VEPH1: variants seen among roughly 807,000 people sequenced by gnomAD.
VEPH1 encodes ventricular zone-expressed PH domain-containing protein homolog 1.
VEPH1 carries 80 observed loss-of-function variants against 85.2 expected under a neutral mutation model. That is an observed-to-expected ratio of 0.94 (90% CI 0.78 to 1.13). VEPH1 has a LOEUF of 1.13. VEPH1 is among the 50% of genes most tolerant of loss of function. VEPH1 has a pLI of 0.00. For synonymous variants in VEPH1, 297 were observed against 348.0 expected (o/e 0.85, Z 1.63); for missense variants, 955 against 980.5 (o/e 0.97, Z 0.35).
rs759127536 is a variant in VEPH1 at position 157,317,188 on chromosome 3, A to G, written c.1749T>C (p.Ser583=). 3 of 1,611,442 alleles carry G rather than the reference A, an allele frequency of 1.9e-6. No individual in the cohort carries two copies. The highest frequency in any genetic ancestry group is 2.5e-6 in the Non-Finnish European group (3 of 1,178,906). The change falls in exon 10 of 14, where the codon AGT becomes AGC. Residue 583 remains serine, a synonymous_variant. Coordinates refer to ENST00000362010, the MANE Select transcript of VEPH1 (RefSeq NM_001167912.2). ...DQCTIEDTVR[S]CVAKLFFTCS... ...AGGTGAAGAACAACTTTGCTACACA[A>G]CTTCTCACAGTGTCTAGAAACAAAT...
At chr3:157,481,832 T>G in intron 2 of VEPH1, among the ~76,000 whole-genome samples, 1 of 152,216 alleles carries the variant, frequency 6.6e-6, no homozygotes, top group Non-Finnish European at 1.5e-5. Flanking sequence ...TGGCTAGTCA[T>G]TTATTGAATA....
chr3:157,441,942 G>C (rs968135316), intron 4 of VEPH1, among the ~76,000 whole-genome samples: 3 of 152,148 alleles, frequency 2.0e-5, no homozygotes, highest in African/African-American at 7.2e-5. Context: ...TAGGAACTTG[G>C]TGGTGGCAAA....
Position 157,265,512 on chromosome 3 carries a change from A to G in VEPH1, c.2265+14T>C, listed in dbSNP as rs1182745962. 1 of 1,609,992 alleles carries G rather than the reference A, an allele frequency of 6.2e-7. No individual in the cohort carries two copies. The highest frequency in any genetic ancestry group is 8.5e-7 in the Non-Finnish European group (1 of 1,177,706). ...CTTAAAAATGCAAGTGTAAAAGATG[A>G]TGGAGGAACTTACAGACTTTCCTTT... On this transcript the variant is annotated intron_variant, in intron 13 of 13. Transcript: ENST00000362010.
At chr3:157,460,137 A>C (rs1423562813) in intron 4 of VEPH1, 44 bp downstream of exon 4, 11 of 1,614,142 alleles carry the variant, frequency 6.8e-6, no homozygotes, top group Non-Finnish European at 9.3e-6. Context: ...ATACTTTTAA[A>C]TATCTCCCAA....
intron 3 of VEPH1, among the ~76,000 whole-genome samples, chr3:157,463,825 A>G (rs1736111081): frequency 6.6e-6 from 1 of 152,214 alleles, no homozygotes; most frequent in Non-Finnish European, 1.5e-5. Flanking sequence ...ATTAGAAACT[A>G]GAGTGTCCAC....
At position 157,364,307 on chromosome 3, in the gene VEPH1, T is replaced by G. The variant is rs1441270549; in HGVS notation, c.1333A>C (p.Asn445His). 1 of 1,607,730 alleles carries G rather than the reference T, an allele frequency of 6.2e-7. No individual in the cohort carries two copies. Among genetic ancestry groups the G allele is most frequent in the Non-Finnish European group, 8.5e-7 (1 of 1,176,500 alleles). Residue 445 changes from asparagine to histidine, a missense_variant, in exon 8 of 14, where the codon AAC becomes CAC. Transcript: ENST00000362010. Reference sequence around the variant, plus strand: ...AACAAACCAAACGAGTTATACCTGTTAAATCTAATGTTTTTTCTTTCTTCT... The same window carrying G: ...AACAAACCAAACGAGTTATACCTGTGAAATCTAATGTTTTTTCTTTCTTCT... ...SKEERKNIRF[N>H]RSKSLAFHTM...
At chr3:157,404,033 A>G (rs2108988328) in intron 6 of VEPH1, among the ~76,000 whole-genome samples, 1 of 152,292 alleles carries the variant, frequency 6.6e-6, no homozygotes, top group African/African-American at 2.4e-5. Flanking sequence ...ATGGAGACCG[A>G]CAGATCCTGA....
intron 9 of VEPH1, among the ~76,000 whole-genome samples, chr3:157,321,933 G>A (rs62281384): frequency 0.083 from 12,630 of 151,986 alleles, 684 homozygotes; most frequent in Middle Eastern, 0.15. Flanking sequence ...TATGTTTTAC[G>A]TTTTATATAA....
chr3:157,346,269 C>T, intron 9 of VEPH1, among the ~76,000 whole-genome samples: 1 of 152,086 alleles, frequency 6.6e-6, no homozygotes, highest in East Asian at 1.9e-4. Context: ...CTATTATCAG[C>T]AAAATATCTT....
intron 6 of VEPH1, among the ~76,000 whole-genome samples, chr3:157,405,357 C>T (rs1731066591): frequency 6.6e-6 from 1 of 152,138 alleles, no homozygotes; most frequent in Non-Finnish European, 1.5e-5. Flanking sequence ...TTTGTCCTTT[C>T]GCCAGCTCTT....
chr3:157,329,317 T>C (rs1434240316), intron 9 of VEPH1, among the ~76,000 whole-genome samples: 4 of 152,218 alleles, frequency 2.6e-5, no homozygotes, highest in African/African-American at 7.2e-5. Context: ...ATTACTGTTT[T>C]CCAGTGGGAA....
intron 11 of VEPH1, among the ~76,000 whole-genome samples, chr3:157,290,653 C>A (rs1246814059): frequency 6.6e-6 from 1 of 152,014 alleles, no homozygotes; most frequent in African/African-American, 2.4e-5. Context: ...GAAGTTCAAA[C>A]TATTTTCATT....
At chr3:157,486,190 T>A (rs1016948871) in intron 2 of VEPH1, among the ~76,000 whole-genome samples, 6 of 152,050 alleles carry the variant, frequency 3.9e-5, no homozygotes, top group Admixed American at 2.0e-4. Flanking sequence ...TTCAAGCACA[T>A]ATTAAACATT....
At chr3:157,439,617 A>G (rs1329458254) in intron 4 of VEPH1, among the ~76,000 whole-genome samples, 2 of 152,230 alleles carry the variant, frequency 1.3e-5, no homozygotes, top group African/African-American at 2.4e-5. Context: ...TTATATAGCC[A>G]GCGTAGCCTA....
Position 157,454,154 on chromosome 3 carries a change from A to G in VEPH1, c.529+6027T>C, listed in dbSNP as rs116479765. On this transcript the variant is annotated intron_variant, in intron 4 of 13. Transcript: ENST00000362010. ...TATAAGTGTTTTAAATTCCTATAAA[A>G]TTTGTTTCAAAAATGTAGCCAAGGT... 5.4e-3 allele frequency among the ~76,000 whole-genome samples: 817 copies of G among 152,268 alleles called. 7 individuals carry two copies. Among genetic ancestry groups the G allele is most frequent in the African/African-American group, 0.019 (777 of 41,532 alleles).
At chr3:157,439,416 G>T (rs1458714893) in intron 4 of VEPH1, among the ~76,000 whole-genome samples, 1 of 152,194 alleles carries the variant, frequency 6.6e-6, no homozygotes, top group Non-Finnish European at 1.5e-5. Flanking sequence ...CCATTCTGTT[G>T]TTAGCCTCCT....
chr3:157,292,474 T>G (rs1717599368), intron 11 of VEPH1, among the ~76,000 whole-genome samples: 1 of 150,882 alleles, frequency 6.6e-6, no homozygotes, highest in Non-Finnish European at 1.5e-5. Flanking sequence ...GGTAGATCAC[T>G]TGAGGTCAGG....
chr3:157,359,448 T>G (rs527695314), intron 9 of VEPH1, among the ~76,000 whole-genome samples: 10 of 152,360 alleles, frequency 6.6e-5, no homozygotes, highest in African/African-American at 2.4e-4. Context: ...ACTAGAGACC[T>G]ACAAGGCTCA....
chr3:157,361,611 T>C (rs1726057478), intron 9 of VEPH1, among the ~76,000 whole-genome samples: 1 of 152,194 alleles, frequency 6.6e-6, no homozygotes, highest in Admixed American at 6.5e-5. Flanking sequence ...AACCATCACA[T>C]AGATCTCAAG....
Sources: gnomAD v4.1 joint callset for allele counts (sites outside exome capture counted in the v4.1 genomes callset) on GRCh38, gnomAD v4.1.1 for gene constraint, MANE v1.5 for transcripts, NCBI Gene and HGNC (gene_info 2026-07-23, HGNC 2026-07-21) for gene names.